Variants in PCDHGA7 observed in about 807,000 individuals in gnomAD.
PCDHGA7 encodes the protein protocadherin gamma subfamily A, 7, also known as protocadherin gamma-A7.
A neutral mutation model predicts 58.3 loss-of-function variants in PCDHGA7; 44 were observed. That is an observed-to-expected ratio of 0.75 (90% CI 0.59 to 0.97). The LOEUF (loss-of-function observed/expected upper bound fraction) is 0.97. PCDHGA7 is among the 50% of genes least tolerant of loss of function. PCDHGA7 has a pLI of 0.00. For synonymous variants in PCDHGA7, 516 were observed against 504.2 expected (o/e 1.02, Z -0.31); for missense variants, 1,266 against 1,188.7 (o/e 1.06, Z -0.96).
rs775312856 is a variant in PCDHGA7, at chr5:141,485,899, C to G, written c.2425-8908C>G. 1.9e-6 allele frequency: 3 copies of G among 1,614,166 alleles called. No homozygotes were observed. Among genetic ancestry groups the G allele is most frequent in the Non-Finnish European group, 2.5e-6 (3 of 1,180,032 alleles). ...ACGTAAACGACAACGCCCCAGCCTT[C>G]CAGCAATCCAGCTACAGGATTAGTG... On this transcript the variant is annotated intron_variant, in intron 1 of 3. Transcript: ENST00000518325. The surrounding 1 kb of genome is among the most constrained non-coding windows in gnomAD (Gnocchi z 5.7).
chr5:141,403,607 G>A (rs2094432931), intron 1 of PCDHGA7: 6 of 1,613,854 alleles, frequency 3.7e-6, no homozygotes, highest in Non-Finnish European at 5.1e-6. Flanking sequence ...GGATGGCGGC[G>A]AGCCGCGTCG....
intron 1 of PCDHGA7, among the ~76,000 whole-genome samples, chr5:141,401,410 A>C (rs536817103): frequency 6.6e-6 from 1 of 152,236 alleles, no homozygotes; most frequent in South Asian, 2.1e-4. Flanking sequence ...TGAGAGAGAA[A>C]GAGAGAGACT....
In PCDHGA7 at chr5:141,490,410, T is replaced by C. The variant is rs2099699827; in HGVS notation, c.2425-4397T>C. ...ATGGTGAAGTGAGCCTTGATATCTC[T>C]CCGGACCTGCCATTTCAGATTAAGC... On this transcript the variant is annotated intron_variant, in intron 1 of 3. Coordinates refer to ENST00000518325, the MANE Select transcript of PCDHGA7 (RefSeq NM_018920.4). The surrounding 1 kb of genome is among the most constrained non-coding windows in gnomAD (Gnocchi z 5.4). 1 of 1,614,172 alleles carries C rather than the reference T, an allele frequency of 6.2e-7. No individual in the cohort carries two copies. Among genetic ancestry groups the C allele is most frequent in the Non-Finnish European group, 8.5e-7 (1 of 1,180,042 alleles).
At chr5:141,438,159 T>TA (rs974013542) in intron 1 of PCDHGA7, among the ~76,000 whole-genome samples, 44 of 152,258 alleles carry the variant, frequency 2.9e-4, no homozygotes, top group African/African-American at 9.9e-4. Context: ...ATGGCAAAGC[T>TA]AATTGGAAAA....
intron 2 of PCDHGA7, among the ~76,000 whole-genome samples, chr5:141,501,306 C>T (rs1016823458): frequency 5.3e-5 from 8 of 151,412 alleles, no homozygotes; most frequent in Non-Finnish European, 8.8e-5. Context: ...CACACACACA[C>T]ACACACACAC....
At chr5:141,430,878 A>G in intron 1 of PCDHGA7, 1 of 1,600,748 alleles carries the variant, frequency 6.2e-7, no homozygotes, top group Admixed American at 1.8e-5. Context: ...GAAGAGCTGG[A>G]GAAAGGCTCT....
At chr5:141,408,214 C>CT (rs1471079476) in intron 1 of PCDHGA7, 1 of 1,555,074 alleles carries the variant, frequency 6.4e-7, no homozygotes. Flanking sequence ...TGGGAGGGAG[C>CT]TGCGCGCAGA....
At chr5:141,438,591 CATATATATATATATATAT>C (rs946798767) in intron 1 of PCDHGA7, among the ~76,000 whole-genome samples, 2 of 75,562 alleles carry the variant, frequency 2.6e-5, no homozygotes, top group Non-Finnish European at 5.4e-5. Context: ...TACATACATA[CATATATATATATATATAT>C]ATATATATAT....
chr5:141,500,175 CA>C (rs762724660), intron 2 of PCDHGA7, among the ~76,000 whole-genome samples: 15 of 147,258 alleles, frequency 1.0e-4, no homozygotes, highest in Non-Finnish European at 1.5e-4. Flanking sequence ...GCATGAGCTT[CA>C]TTTTTATTTT....
intron 1 of PCDHGA7, among the ~76,000 whole-genome samples, chr5:141,483,208 G>A (rs1195144442): frequency 6.6e-6 from 1 of 152,196 alleles, no homozygotes; most frequent in East Asian, 1.9e-4. Context: ...ATTCCATATA[G>A]ATGACAGTCA....
intron 3 of PCDHGA7, among the ~76,000 whole-genome samples, chr5:141,510,741 C>A (rs11953770): frequency 1.3e-5 from 2 of 152,138 alleles, no homozygotes; most frequent in Non-Finnish European, 1.5e-5. Context: ...GGAATCAAAC[C>A]TAGACTTTCT....
chr5:141,429,510 T>A (rs2097220128), intron 1 of PCDHGA7, among the ~76,000 whole-genome samples: 1 of 152,124 alleles, frequency 6.6e-6, no homozygotes, highest in African/African-American at 2.4e-5. Context: ...AAACTGTGCC[T>A]GGCAGAGAAA....
chr5:141,390,764 G>T, intron 1 of PCDHGA7: 2 of 165,996 alleles, frequency 1.2e-5, no homozygotes, highest in Non-Finnish European at 2.6e-5. Flanking sequence ...TTTGTTTCCT[G>T]TGTTAACTTC....
chr5:141,443,172 C>T (rs1454734622), intron 1 of PCDHGA7, among the ~76,000 whole-genome samples: 1 of 152,176 alleles, frequency 6.6e-6, no homozygotes, highest in Non-Finnish European at 1.5e-5. Flanking sequence ...CTACCCATGT[C>T]CACTGCATCA....
In PCDHGA7 at chr5:141,432,469, C is replaced by A; in HGVS notation, c.2424+47146C>A. On this transcript the variant is annotated intron_variant, in intron 1 of 3. Coordinates refer to ENST00000518325, the MANE Select transcript of PCDHGA7 (RefSeq NM_018920.4). The surrounding 1 kb of genome is among the most constrained non-coding windows in gnomAD (Gnocchi z 6.0). ...TCCTGTACCCCGCCCTCCCCACGGA[C>A]GGTTCCACTGGCGTGGAGCTGGCTC... 6.2e-7 allele frequency: 1 copy of A among 1,614,218 alleles called. No individual in the cohort carries two copies.
In PCDHGA7 at chr5:141,486,853, C is replaced by T. The variant is rs1401626024; in HGVS notation, c.2425-7954C>T. The stretch of plus-strand genomic sequence containing the variant: ...GTCTATTTGTGCTGGACCTCAATGA[C>T]AATGCTCCAGCTGTGCTCCGTCCTC... On this transcript the variant is annotated intron_variant, in intron 1 of 3. Coordinates refer to ENST00000518325, the MANE Select transcript of PCDHGA7 (RefSeq NM_018920.4). This position sits in a 1 kb window ranked among gnomAD's most constrained non-coding sequence, Gnocchi z 5.0. 6.2e-7 allele frequency: 1 copy of T among 1,614,244 alleles called. No individual in the cohort carries two copies. The highest frequency in any genetic ancestry group is 2.2e-5 in the East Asian group (1 of 44,886).
intron 1 of PCDHGA7, chr5:141,428,587 G>T: frequency 4.4e-6 from 1 of 226,768 alleles, no homozygotes; most frequent in Non-Finnish European, 8.9e-6. Context: ...AGTTTCTCTG[G>T]TAGCAAGCTT....
At position 141,432,003 on chromosome 5, in the gene PCDHGA7, T is replaced by A; in HGVS notation, c.2424+46680T>A. On this transcript the variant is annotated intron_variant, in intron 1 of 3. Coordinates refer to ENST00000518325, the MANE Select transcript of PCDHGA7 (RefSeq NM_018920.4). This position sits in a 1 kb window ranked among gnomAD's most constrained non-coding sequence, Gnocchi z 6.0. ...GACATAGTCTTGGATAGGGAACAGG[T>A]TCCTAGCTACAACATCACAGTGACC... The A allele has an allele frequency of 6.2e-7, 1 of 1,614,116 alleles. No individual in the cohort carries two copies.
rs759647406 is a variant in PCDHGA7 at position 141,493,849 on chromosome 5, A to G, written c.2425-958A>G. Among the ~76,000 whole-genome samples the G allele has an allele frequency of 6.6e-6, 1 of 152,178 alleles. No individual in the cohort carries two copies. The highest frequency in any genetic ancestry group is 1.5e-5 in the Non-Finnish European group (1 of 68,028). ...CTGGGAGCAAGTATGAGTATTAATT[A>G]CCAGCCCACCCCAGAACCAGTGAGG... On this transcript the variant is annotated intron_variant, in intron 1 of 3. Coordinates refer to ENST00000518325, the MANE Select transcript of PCDHGA7 (RefSeq NM_018920.4). The surrounding 1 kb of genome is among the most constrained non-coding windows in gnomAD (Gnocchi z 4.3).
Sources: allele counts gnomAD v4.1 joint callset (sites outside exome capture counted in the v4.1 genomes callset), GRCh38; gene constraint gnomAD v4.1.1; non-coding constraint Gnocchi (gnomAD v3.1); transcripts MANE v1.5; gene names NCBI Gene and HGNC (gene_info 2026-07-23, HGNC 2026-07-21).